Variants in CNKSR2 observed in about 807,000 individuals in gnomAD.
CNKSR2 encodes connector enhancer of kinase suppressor of Ras 2, also known as CNK homolog protein 2.
CNKSR2 carries 14 observed loss-of-function variants against 84.4 expected under a neutral mutation model. That is an observed-to-expected ratio of 0.17 (90% CI 0.11 to 0.26). The LOEUF (loss-of-function observed/expected upper bound fraction) is 0.26. Among genes scored for constraint, CNKSR2 ranks in the 10% least tolerant of loss-of-function variants. The pLI is 1.00. For missense variants in CNKSR2, 485 were observed against 771.2 expected (o/e 0.63, Z 4.40); for synonymous variants, 275 against 277.9 (o/e 0.99, Z 0.10).
intron 11 of CNKSR2, among the ~76,000 whole-genome samples, chrX:21,540,883 A>G (rs1325746050): frequency 8.9e-6 from 1 of 112,453 alleles, no homozygotes; most frequent in Non-Finnish European, 1.9e-5. Context: ...TTGTACATTC[A>G]TATTCTAAAT....
intron 1 of CNKSR2, among the ~76,000 whole-genome samples, chrX:21,417,108 TTG>T (rs2090433244): frequency 8.9e-6 from 1 of 111,846 alleles, no homozygotes; most frequent in Non-Finnish European, 1.9e-5. Context: ...TTTTTGTATG[TTG>T]TGTTTTCATT....
At chrX:21,558,387 A>G (rs1156886132) in intron 11 of CNKSR2, among the ~76,000 whole-genome samples, 1 of 111,346 alleles carries the variant, frequency 9.0e-6, no homozygotes, top group Non-Finnish European at 1.9e-5. Context: ...TTTTTAAAAT[A>G]CTTATTTTTA....
intron 5 of CNKSR2, among the ~76,000 whole-genome samples, chrX:21,475,160 G>A (rs1388050883): frequency 1.8e-5 from 2 of 111,551 alleles, no homozygotes; most frequent in Non-Finnish European, 3.8e-5. Context: ...ATAATTTGTT[G>A]TACATTTTAG....
chrX:21,550,061 A>G (rs994042460), intron 11 of CNKSR2, among the ~76,000 whole-genome samples: 1 of 112,243 alleles, frequency 8.9e-6, no homozygotes, highest in Non-Finnish European at 1.9e-5. Context: ...AAGCCAAAAT[A>G]GACAAATGGG....
At chrX:21,501,448 G>C in intron 7 of CNKSR2, 72 bp from the exon 8 acceptor site, 1 of 580,782 alleles carries the variant, frequency 1.7e-6, no homozygotes, top group Non-Finnish European at 2.7e-6. Flanking sequence ...TGAACTTTTT[G>C]TAGTGTTTCC....
At chrX:21,474,834 A>C (rs762856085) in intron 5 of CNKSR2, among the ~76,000 whole-genome samples, 1 of 112,265 alleles carries the variant, frequency 8.9e-6, no homozygotes, top group African/African-American at 3.2e-5. Context: ...AGTAGACATA[A>C]CATAACTTTT....
intron 20 of CNKSR2, among the ~76,000 whole-genome samples, chrX:21,621,397 C>T (rs967151316): frequency 3.6e-5 from 4 of 111,254 alleles, no homozygotes; most frequent in African/African-American, 1.3e-4. Flanking sequence ...TCATGTTTCA[C>T]CCAAAGTATT....
In CNKSR2 at chrX:21,653,519, A is replaced by G. The variant is rs1222765805; in HGVS notation, c.*998A>G. On this transcript the variant is annotated 3_prime_UTR_variant, in exon 22 of 22. Transcript: ENST00000379510. ...ATTATACTTCAGGTAGGGAAGTACA[A>G]TATGTTTAGTTTCAGGCTGATGTGT... 2 of 110,278 alleles carry G rather than the reference A, an allele frequency of 1.8e-5. No homozygotes were observed. Among genetic ancestry groups the G allele is most frequent in the Non-Finnish European group, 3.8e-5 (2 of 52,888 alleles). 9.1% of individuals were successfully genotyped at this position (110,278 alleles called of 1,213,427 possible). A position where few individuals can be genotyped will look rare whatever the true frequency, so the allele number is the denominator to read the frequency against.
At chrX:21,457,316 T>C (rs768562125) in intron 4 of CNKSR2, among the ~76,000 whole-genome samples, 2 of 111,543 alleles carry the variant, frequency 1.8e-5, no homozygotes, top group Non-Finnish European at 3.8e-5. Flanking sequence ...TCTTTCCTGC[T>C]ACCCTTTGAG....
intron 15 of CNKSR2, 83 bp downstream of exon 15, chrX:21,591,277 G>T (rs892654680): frequency 2.3e-6 from 2 of 857,286 alleles, no homozygotes; most frequent in Non-Finnish European, 3.2e-6. Context: ...TTTTAAAATC[G>T]TATAATCACC....
intron 3 of CNKSR2, among the ~76,000 whole-genome samples, chrX:21,435,856 T>C: frequency 9.0e-6 from 1 of 111,561 alleles, no homozygotes; most frequent in Non-Finnish European, 1.9e-5. Context: ...TAATACCCAA[T>C]TCTGAGAGTT....
At chrX:21,532,703 A>G (rs2091896387) in intron 11 of CNKSR2, among the ~76,000 whole-genome samples, 2 of 111,925 alleles carry the variant, frequency 1.8e-5, no homozygotes, top group Non-Finnish European at 3.8e-5. Context: ...GTTATAGTAT[A>G]TCTGAAAGAT....
At chrX:21,460,349 T>C (rs1434400787) in intron 4 of CNKSR2, among the ~76,000 whole-genome samples, 1 of 112,110 alleles carries the variant, frequency 8.9e-6, no homozygotes, top group Non-Finnish European at 1.9e-5. Flanking sequence ...CTTGAACACT[T>C]AGAGTAATGT....
At chrX:21,622,732 G>T (rs1450107857) in intron 20 of CNKSR2, among the ~76,000 whole-genome samples, 2 of 111,428 alleles carry the variant, frequency 1.8e-5, no homozygotes, top group Non-Finnish European at 3.8e-5. Context: ...AACCATCAGG[G>T]TTTAAATGCA....
chrX:21,541,643 TTAAG>T (rs2091977949), intron 11 of CNKSR2, among the ~76,000 whole-genome samples: 1 of 111,928 alleles, frequency 8.9e-6, no homozygotes, highest in Non-Finnish European at 1.9e-5. Context: ...AGAGACAACA[TTAAG>T]TGAGGACTTA....
At position 21,499,745 on chromosome X, in the gene CNKSR2, T is replaced by G. The variant is rs773138871; in HGVS notation, c.742-1775T>G. On this transcript the variant is annotated intron_variant, in intron 7 of 21. Coordinates refer to ENST00000379510, the MANE Select transcript of CNKSR2 (RefSeq NM_014927.5). ...GCTCACTAGAGTGGGTAAGTTATTTTGCTTTGCTGTGCCCTAATTTCTTAG... is the reference window on the plus strand; with the variant it reads ...GCTCACTAGAGTGGGTAAGTTATTTGGCTTTGCTGTGCCCTAATTTCTTAG... Among the ~76,000 whole-genome samples, 4 of 110,956 alleles carry G rather than the reference T, an allele frequency of 3.6e-5. No homozygotes were observed. The East Asian group carries it at 1.1e-3, about 31-fold the overall frequency.
chrX:21,562,857 C>A (rs1410504140), intron 12 of CNKSR2, among the ~76,000 whole-genome samples: 3 of 111,229 alleles, frequency 2.7e-5, no homozygotes, highest in African/African-American at 9.8e-5. Context: ...TTGGCAAAAT[C>A]CCCATGAGGG....
At chrX:21,519,618 A>C (rs1454996051) in intron 9 of CNKSR2, among the ~76,000 whole-genome samples, 1 of 111,305 alleles carries the variant, frequency 9.0e-6, no homozygotes, top group Non-Finnish European at 1.9e-5. Context: ...ACTTGAAAAA[A>C]TGGAAATGAG....
intron 11 of CNKSR2, among the ~76,000 whole-genome samples, chrX:21,543,553 C>T (rs938725211): frequency 1.8e-5 from 2 of 111,764 alleles, no homozygotes; most frequent in Admixed American, 9.5e-5. Context: ...TTGGAGAAAT[C>T]GTCTAAGGAA....
Sources: allele counts gnomAD v4.1 joint callset (sites outside exome capture counted in the v4.1 genomes callset), GRCh38; gene constraint gnomAD v4.1.1; transcripts MANE v1.5; gene names NCBI Gene and HGNC (gene_info 2026-07-23, HGNC 2026-07-21).